ENTREP2: variants seen among roughly 807,000 people sequenced by gnomAD.
ENTREP2 encodes protein ENTREP2.
At chr15:29,123,152 T>G in the ENTREP2 span, 27 of 595,536 alleles carry the variant, frequency 4.5e-5, no homozygotes, top group Non-Finnish European at 7.8e-5. Context: ...GAGACACTGC[T>G]CGGCTCCCCT....
the ENTREP2 span, among the ~76,000 whole-genome samples, chr15:29,264,430 T>G: frequency 3.0e-4 from 46 of 152,174 alleles, no homozygotes; most frequent in Non-Finnish European, 4.4e-4. Context: ...TGGAGGCACA[T>G]GACAGAAATC....
the ENTREP2 span, among the ~76,000 whole-genome samples, chr15:29,353,303 C>T: frequency 2.2e-4 from 34 of 152,192 alleles, no homozygotes; most frequent in African/African-American, 7.7e-4. Context: ...AAGTGCTGCA[C>T]GCAAAAGAGA....
the ENTREP2 span, among the ~76,000 whole-genome samples, chr15:29,413,022 T>C: frequency 2.0e-5 from 3 of 152,150 alleles, no homozygotes; most frequent in African/African-American, 7.2e-5. Context: ...AATTTCTTCT[T>C]TGATTAATGA....
At chr15:29,555,174 AGAAATCCCCCTTTCCTCGGG>A in the ENTREP2 span, among the ~76,000 whole-genome samples, 1 of 152,228 alleles carries the variant, frequency 6.6e-6, no homozygotes, top group East Asian at 1.9e-4. Context: ...ATGATCTGGA[AGAAATCCCCCTTTCCTCGGG>A]GAACACCTCT....
chr15:29,395,018 G>C, the ENTREP2 span, among the ~76,000 whole-genome samples: 2 of 150,246 alleles, frequency 1.3e-5, no homozygotes, highest in African/African-American at 2.4e-5. Context: ...CTCCTGAGTA[G>C]CTGGGCTACA....
At chr15:29,392,711 C>G in the ENTREP2 span, among the ~76,000 whole-genome samples, 8 of 152,260 alleles carry the variant, frequency 5.3e-5, no homozygotes, top group Admixed American at 5.2e-4. Flanking sequence ...ATTTTTCATT[C>G]GTTCTGGAAA....
chr15:29,474,949 C>T, the ENTREP2 span, among the ~76,000 whole-genome samples: 1 of 152,066 alleles, frequency 6.6e-6, no homozygotes, highest in Non-Finnish European at 1.5e-5. Flanking sequence ...AAAGAAACCC[C>T]ATTTTCCCAA....
the ENTREP2 span, among the ~76,000 whole-genome samples, chr15:29,474,057 C>T: frequency 6.6e-6 from 1 of 152,210 alleles, no homozygotes; most frequent in South Asian, 2.1e-4. Context: ...CCCTGAAGCA[C>T]AGTGCGTGCT....
At chr15:29,382,997 C>T in the ENTREP2 span, among the ~76,000 whole-genome samples, 14 of 152,098 alleles carry the variant, frequency 9.2e-5, no homozygotes, top group Admixed American at 7.9e-4. Context: ...CTTCTCACTC[C>T]CCTGCGGTTC....
the ENTREP2 span, among the ~76,000 whole-genome samples, chr15:29,208,553 T>G: frequency 6.6e-6 from 1 of 152,122 alleles, no homozygotes; most frequent in Non-Finnish European, 1.5e-5. Context: ...ACCACAGATA[T>G]CAGATTCCTC....
chr15:29,669,512 A>G, the ENTREP2 span, among the ~76,000 whole-genome samples: 1 of 152,152 alleles, frequency 6.6e-6, no homozygotes, highest in East Asian at 1.9e-4. Context: ...TAAGAAATAA[A>G]TTTCATTTCT....
At chr15:29,539,765 A>G in the ENTREP2 span, among the ~76,000 whole-genome samples, 1 of 152,170 alleles carries the variant, frequency 6.6e-6, no homozygotes, top group African/African-American at 2.4e-5. Context: ...GGGCAAAAGG[A>G]AAGGCTGAAG....
chr15:29,151,777 G>A, the ENTREP2 span: 90 of 1,551,564 alleles, frequency 5.8e-5, no homozygotes, highest in Non-Finnish European at 7.2e-5. Flanking sequence ...ACAGCACATG[G>A]CTGTGGCCAG....
chr15:29,325,251 T>C, the ENTREP2 span, among the ~76,000 whole-genome samples: 2 of 152,068 alleles, frequency 1.3e-5, no homozygotes, highest in Non-Finnish European at 2.9e-5. Context: ...TAACCAATAA[T>C]ATAAGCGTGT....
At chr15:29,566,366 A>C in the ENTREP2 span, among the ~76,000 whole-genome samples, 1 of 151,836 alleles carries the variant, frequency 6.6e-6, no homozygotes, top group African/African-American at 2.4e-5. Context: ...GGATTCCACC[A>C]TGTTGGCCAG....
chr15:29,352,461 T>C, the ENTREP2 span, among the ~76,000 whole-genome samples: 1 of 152,224 alleles, frequency 6.6e-6, no homozygotes, highest in Non-Finnish European at 1.5e-5. Context: ...GCAGATCAGA[T>C]ACTGTGATTA....
chr15:29,207,149 G>T, the ENTREP2 span, among the ~76,000 whole-genome samples: 1 of 152,098 alleles, frequency 6.6e-6, no homozygotes, highest in African/African-American at 2.4e-5. Context: ...TTTGTTCCTG[G>T]AGAGATGCTG....
the ENTREP2 span, among the ~76,000 whole-genome samples, chr15:29,160,656 C>T: frequency 7.0e-6 from 1 of 142,452 alleles, no homozygotes; most frequent in Non-Finnish European, 1.5e-5. Flanking sequence ...TTGCAGTGAG[C>T]CAAGATCACA....
chr15:29,320,408 T>C, the ENTREP2 span, among the ~76,000 whole-genome samples: 2 of 152,196 alleles, frequency 1.3e-5, no homozygotes, highest in African/African-American at 4.8e-5. Flanking sequence ...CATATTAATA[T>C]AAAACCTCAC....
Sources: gnomAD v4.1 joint callset for allele counts (sites outside exome capture counted in the v4.1 genomes callset) on GRCh38, gnomAD v4.1.1 for gene constraint, MANE v1.5 for transcripts, NCBI Gene and HGNC (gene_info 2026-07-23, HGNC 2026-07-21) for gene names.